The following GLRA3 variants were observed in gnomAD, a reference collection of about 807,000 sequenced individuals.
The protein encoded by GLRA3 is glycine receptor subunit alpha-3.
In GLRA3, 44 loss-of-function variants were observed where a neutral mutation model predicts 60.4. That is an observed-to-expected ratio of 0.73 (90% CI 0.57 to 0.94). The LOEUF (loss-of-function observed/expected upper bound fraction) is 0.94, where lower values mean the gene tolerates loss of function less well. Among genes scored for constraint, GLRA3 ranks in the 40% least tolerant of loss-of-function variants. The pLI is 0.00. For missense variants in GLRA3, 508 were observed against 564.6 expected, an observed-to-expected ratio of 0.90 and a Z score of 1.02; for synonymous variants, 223 against 192.9, an observed-to-expected ratio of 1.16 and a Z score of -1.29.
At chr4:174,803,706 T>G (rs1739912786) in intron 1 of GLRA3, among the ~76,000 whole-genome samples, 1 of 152,198 alleles carries the variant, frequency 6.6e-6, no homozygotes, top group African/African-American at 2.4e-5. Context: ...GGGATATTTT[T>G]AATTGAAATG....
At chr4:174,816,564 A>G (rs73008395) in intron 1 of GLRA3, among the ~76,000 whole-genome samples, 2,154 of 151,894 alleles carry the variant, frequency 0.014, 46 homozygotes, top group African/African-American at 0.049. Flanking sequence ...AGTTACTAAA[A>G]GAATAAATAT....
chr4:174,783,471 G>A (rs1738981962), intron 2 of GLRA3, among the ~76,000 whole-genome samples: 1 of 136,316 alleles, frequency 7.3e-6, no homozygotes, highest in Non-Finnish European at 1.6e-5. Context: ...TGACAAATGG[G>A]ACCTAATTAA....
intron 5 of GLRA3, among the ~76,000 whole-genome samples, chr4:174,685,897 TG>T (rs1249193452): frequency 6.6e-6 from 1 of 152,190 alleles, no homozygotes. Context: ...AAAAATGACC[TG>T]AAACTTCAAT....
chr4:174,703,018 G>A (rs1278991459), intron 5 of GLRA3, among the ~76,000 whole-genome samples: 1 of 152,050 alleles, frequency 6.6e-6, no homozygotes, highest in Non-Finnish European at 1.5e-5. Flanking sequence ...CTTGGGCAAG[G>A]TTTTGCTTTT....
chr4:174,736,586 C>T (rs552998659), intron 3 of GLRA3, among the ~76,000 whole-genome samples: 11 of 152,256 alleles, frequency 7.2e-5, no homozygotes, highest in Admixed American at 6.5e-4. Flanking sequence ...CCTTTTGCAT[C>T]TGGCTTCTTC....
intron 2 of GLRA3, among the ~76,000 whole-genome samples, chr4:174,780,872 T>G (rs537081601): frequency 1.4e-4 from 22 of 152,060 alleles, no homozygotes; most frequent in Non-Finnish European, 2.6e-4. Flanking sequence ...ATGGGAGACT[T>G]TAACACCCCA....
intron 3 of GLRA3, among the ~76,000 whole-genome samples, chr4:174,741,185 C>T (rs751993448): frequency 2.0e-5 from 3 of 152,182 alleles, no homozygotes; most frequent in East Asian, 1.9e-4. Context: ...ACTATTTGCA[C>T]TTCCGTCAAT....
chr4:174,663,814 C>A (rs1733553872), intron 7 of GLRA3, among the ~76,000 whole-genome samples: 1 of 152,136 alleles, frequency 6.6e-6, no homozygotes, highest in Non-Finnish European at 1.5e-5. Context: ...AGAGTCATTA[C>A]CTTCTTTGCT....
chr4:174,822,028 G>A (rs895797238), intron 1 of GLRA3, among the ~76,000 whole-genome samples: 4 of 152,282 alleles, frequency 2.6e-5, no homozygotes, highest in Middle Eastern at 3.4e-3. Flanking sequence ...GTAAAACAAA[G>A]ACCAGAAATG....
intron 1 of GLRA3, among the ~76,000 whole-genome samples, chr4:174,817,017 G>A (rs529519015): frequency 2.2e-4 from 34 of 152,102 alleles, no homozygotes; most frequent in African/African-American, 7.5e-4. Context: ...TTTCCTACCT[G>A]TCACAGTTCT....
At chr4:174,784,324 C>T (rs1260972773) in intron 2 of GLRA3, among the ~76,000 whole-genome samples, 12 of 117,718 alleles carry the variant, frequency 1.0e-4, no homozygotes, top group Admixed American at 6.3e-4. Flanking sequence ...TTGTGGGGTG[C>T]GGGGAGGGGG....
At chr4:174,806,545 T>C (rs1320745726) in intron 1 of GLRA3, among the ~76,000 whole-genome samples, 1 of 152,136 alleles carries the variant, frequency 6.6e-6, no homozygotes, top group Non-Finnish European at 1.5e-5. Flanking sequence ...GTGTCTGTAC[T>C]GAATATGTAA....
intron 2 of GLRA3, among the ~76,000 whole-genome samples, chr4:174,767,325 A>G (rs1738185602): frequency 6.6e-6 from 1 of 152,004 alleles, no homozygotes; most frequent in Non-Finnish European, 1.5e-5. Flanking sequence ...TCCAGTTTCT[A>G]AGCTCATTCA....
intron 3 of GLRA3, among the ~76,000 whole-genome samples, chr4:174,755,019 A>G (rs547180907): frequency 6.6e-6 from 1 of 152,248 alleles, no homozygotes; most frequent in East Asian, 1.9e-4. Flanking sequence ...TATATTATCC[A>G]ACATTAACTT....
At chr4:174,789,830 C>A (rs955097101) in intron 1 of GLRA3, among the ~76,000 whole-genome samples, 2 of 152,176 alleles carry the variant, frequency 1.3e-5, no homozygotes, top group African/African-American at 2.4e-5. Context: ...TGTGTTCAAG[C>A]TGATGTCACT....
At chr4:174,653,064 T>C (rs1391415775) in intron 9 of GLRA3, among the ~76,000 whole-genome samples, 2 of 152,118 alleles carry the variant, frequency 1.3e-5, no homozygotes, top group African/African-American at 4.8e-5. Flanking sequence ...AAGTATTAAA[T>C]AGATTATTCC....
intron 4 of GLRA3, among the ~76,000 whole-genome samples, chr4:174,718,763 C>A: frequency 6.6e-6 from 1 of 152,066 alleles, no homozygotes; most frequent in African/African-American, 2.4e-5. Context: ...GTTTACTGTG[C>A]AGTAGGCAGT....
At chr4:174,708,593 C>A (rs1232223493) in intron 5 of GLRA3, among the ~76,000 whole-genome samples, 1 of 143,418 alleles carries the variant, frequency 7.0e-6, no homozygotes, top group Non-Finnish European at 1.5e-5. Flanking sequence ...AATATTTTAA[C>A]TTTTACTCTT....
At chr4:174,645,855 T>G (rs1732795825) in intron 9 of GLRA3, among the ~76,000 whole-genome samples, 3 of 152,196 alleles carry the variant, frequency 2.0e-5, no homozygotes, top group Admixed American at 6.5e-5. Context: ...GCCTTAAAGT[T>G]TTCCATATCC....
Sources: gnomAD v4.1 joint callset for allele counts (sites outside exome capture counted in the v4.1 genomes callset) on GRCh38, gnomAD v4.1.1 for gene constraint, MANE v1.5 for transcripts, NCBI Gene and HGNC (gene_info 2026-07-23, HGNC 2026-07-21) for gene names.